FRYL: variants seen among roughly 807,000 people sequenced by gnomAD.
The protein encoded by FRYL is protein furry homolog-like.
Under a neutral mutation model 351.2 loss-of-function variants are expected in FRYL, and 150 were observed. The observed-to-expected ratio is 0.43, with a 90% CI of 0.37 to 0.49. FRYL has a LOEUF of 0.49. Among genes scored for constraint, FRYL ranks in the 20% least tolerant of loss-of-function variants. The pLI is 0.00. For missense variants in FRYL, 3,036 were observed against 3,619.3 expected (o/e 0.84, Z 4.13); for synonymous variants, 1,153 against 1,257.1 (o/e 0.92, Z 1.75).
At chr4:48,690,563 A>C (rs1765591876) in intron 2 of FRYL, among the ~76,000 whole-genome samples, 1 of 152,208 alleles carries the variant, frequency 6.6e-6, no homozygotes, top group South Asian at 2.1e-4. Flanking sequence ...ACACACAATA[A>C]ATCTTTAACT....
Position 48,605,821 on chromosome 4 carries a change from A to G in FRYL, c.754T>C (p.Tyr252His). The change falls in exon 11 of 64, where the codon TAT becomes CAT. Residue 252 changes from tyrosine (Y) to histidine (H), a missense_variant. Tyr to His is a moderately conservative substitution (Grantham distance 83). Around this residue, in one of 7 missense-constraint regions of FRYL, gnomAD observed 457 missense variants for 566.6 expected, o/e 0.81. Transcript: ENST00000358350. ...SFQFMQECAQYFLEVKDKDIK... is the reference protein window; with the variant it reads ...SFQFMQECAQHFLEVKDKDIK... ...TCTTTATCTTTCACTTCTAAGAAAT[A>G]CTGAGCACATTCCTTAAAGGGAAAG... 1.9e-6 allele frequency: 3 copies of G among 1,589,788 alleles called. No individual in the cohort carries two copies. Among genetic ancestry groups the G allele is most frequent in the Non-Finnish European group, 2.6e-6 (3 of 1,159,668 alleles).
chr4:48,633,022 G>A (rs1479512883), intron 4 of FRYL, among the ~76,000 whole-genome samples: 2 of 152,098 alleles, frequency 1.3e-5, no homozygotes, highest in Admixed American at 1.3e-4. Context: ...AATTGGTGGT[G>A]AATAGCTATC....
At chr4:48,650,997 T>C (rs978209199) in intron 3 of FRYL, among the ~76,000 whole-genome samples, 1 of 152,146 alleles carries the variant, frequency 6.6e-6, no homozygotes, top group African/African-American at 2.4e-5. Context: ...CAGTACTACC[T>C]ACCATCATGG....
chr4:48,547,530 T>A, intron 41 of FRYL, 54 bp downstream of exon 41: 1 of 1,043,708 alleles, frequency 9.6e-7, no homozygotes. Context: ...AATGCAGGAT[T>A]CCAAATTAAT....
chr4:48,527,577 T>C lies in FRYL; in HGVS notation c.7217A>G (p.Asn2406Ser), dbSNP rs763686754. Residue 2406 changes from asparagine to serine, a missense_variant, in exon 53 of 64, where the codon AAT (asparagine) becomes AGT (serine). By Grantham distance (46) the Asn-to-Ser change is conservative. This residue lies in a region of FRYL where 1,987 missense variants were observed against 2,311.7 expected (regional missense o/e 0.86). Coordinates refer to ENST00000358350, the MANE Select transcript of FRYL (RefSeq NM_015030.2). ...TTCCACAGCTACTTCTTCCTCTTGA[T>C]TTATGTCTTCTGTTGTAGAAATTAG... is the stretch of plus-strand genomic sequence containing the variant. The part of the protein sequence containing the change: ...TSLISTTEDI[N>S]QEEEVAVEDN... 6.2e-7 allele frequency: 1 copy of C among 1,613,320 alleles called. No individual in the cohort carries two copies. The highest frequency in any genetic ancestry group is 2.2e-5 in the East Asian group (1 of 44,852).
chr4:48,762,379 A>C (rs1188363251), intron 1 of FRYL, among the ~76,000 whole-genome samples: 1 of 152,202 alleles, frequency 6.6e-6, no homozygotes, highest in African/African-American at 2.4e-5. Flanking sequence ...TGCTGGGGTA[A>C]TATAACTGAC....
intron 62 of FRYL, 26 bp downstream of exon 62, chr4:48,501,597 G>T: frequency 8.1e-7 from 1 of 1,237,072 alleles, no homozygotes; most frequent in South Asian, 1.3e-5. Flanking sequence ...ATCAGTTACT[G>T]ATGCCTAATA....
intron 4 of FRYL, among the ~76,000 whole-genome samples, chr4:48,631,624 C>T (rs1056352170): frequency 1.1e-4 from 16 of 151,894 alleles, no homozygotes; most frequent in African/African-American, 3.6e-4. Flanking sequence ...TAACTCACAT[C>T]GGAGAAGATA....
chr4:48,768,485 G>T (rs1281939391), intron 1 of FRYL, among the ~76,000 whole-genome samples: 2 of 152,142 alleles, frequency 1.3e-5, no homozygotes, highest in African/African-American at 4.8e-5. Flanking sequence ...CTAGGACTTG[G>T]TGAAGAGTCC....
intron 24 of FRYL, among the ~76,000 whole-genome samples, 160 bp from the exon 25 acceptor site, chr4:48,575,401 G>A (rs1739390420): frequency 1.3e-5 from 2 of 152,126 alleles, no homozygotes; most frequent in Non-Finnish European, 1.5e-5. Flanking sequence ...AACTTAAAAG[G>A]TTAAATAGCT....
chr4:48,590,529 A>AT, intron 17 of FRYL, 130 bp downstream of exon 17: 1 of 587,452 alleles, frequency 1.7e-6, no homozygotes, highest in Non-Finnish European at 2.8e-6. Context: ...AGAAGTATTC[A>AT]TTTTGTATGG....
Position 48,733,104 on chromosome 4 carries a change from G to A in FRYL, c.-383-22406C>T, listed in dbSNP as rs140723967. 9.7e-3 allele frequency among the ~76,000 whole-genome samples: 1,465 copies of A among 151,632 alleles called. 12 individuals are homozygous for A. Among genetic ancestry groups the A allele is most frequent in the Non-Finnish European group, 0.013 (855 of 67,876 alleles). On this transcript the variant is annotated intron_variant, in intron 1 of 63. Transcript: ENST00000358350. ...CACCTGGCCAACATGGTGAAACCCC[G>A]TCTCTACTAAAAATACAAAAATTAG...
intron 1 of FRYL, among the ~76,000 whole-genome samples, chr4:48,761,007 CTGTG>C (rs57872533): frequency 0.26 from 34,406 of 134,336 alleles, 4,432 homozygotes; most frequent in Non-Finnish European, 0.31. Context: ...ATTACTCTGT[CTGTG>C]TGTGTGTGTG....
rs568062652 is a variant in FRYL, at chr4:48,640,166, A to G, written c.-80-5676T>C. Among the ~76,000 whole-genome samples the G allele has an allele frequency of 3.9e-5, 6 of 152,284 alleles. No individual in the cohort carries two copies. The East Asian group carries it at 1.2e-3, about 29-fold the overall frequency. On this transcript the variant is annotated intron_variant, in intron 3 of 63. Coordinates refer to ENST00000358350, the MANE Select transcript of FRYL (RefSeq NM_015030.2). ...GAAACATGCTCCCTGGTATTTACCC[A>G]CAGGAGCTGAAGACGTATGTCCACA...
chr4:48,506,536 G>C (rs1720962886), intron 59 of FRYL: 1 of 147,410 alleles, frequency 6.8e-6, no homozygotes, highest in African/African-American at 2.5e-5. Context: ...TAAGCTCCTA[G>C]CTTTGGACAG....
Position 48,528,179 on chromosome 4 carries a change from G to A in FRYL, c.7061C>T (p.Ser2354Leu). 7 of 1,612,352 alleles carry A rather than the reference G, an allele frequency of 4.3e-6. No homozygotes were observed. The highest frequency in any genetic ancestry group is 5.9e-6 in the Non-Finnish European group (7 of 1,178,870). Reference protein sequence around the residue: ...VPVSWKRPQLSQRRTREKLMN... With the variant: ...VPVSWKRPQLLQRRTREKLMN... ...ATTTTGATATTCTTTATGTACCTGT[G>A]ATAACTGTGGCCTTTTCCAACTAAC... The change falls in exon 51 of 64, where the codon TCA becomes TTA. Residue 2354 changes from serine (S) to leucine (L), a missense_variant. This residue lies in a region of FRYL where 1,987 missense variants were observed against 2,311.7 expected (regional missense o/e 0.86). Coordinates refer to ENST00000358350, the MANE Select transcript of FRYL (RefSeq NM_015030.2).
intron 1 of FRYL, among the ~76,000 whole-genome samples, chr4:48,746,553 AAAAAAG>A (rs1272651597): frequency 6.6e-6 from 1 of 151,950 alleles, no homozygotes; most frequent in Non-Finnish European, 1.5e-5. Context: ...TTAAAAAAAA[AAAAAAG>A]AAAAAGAAAA....
chr4:48,589,034 G>A (rs1742708812), intron 18 of FRYL, among the ~76,000 whole-genome samples: 1 of 152,114 alleles, frequency 6.6e-6, no homozygotes, highest in Admixed American at 6.5e-5. Flanking sequence ...TTAGCATATA[G>A]TAGTACATAA....
At chr4:48,672,842 G>C (rs1470736625) in intron 3 of FRYL, among the ~76,000 whole-genome samples, 8 of 152,230 alleles carry the variant, frequency 5.3e-5, no homozygotes, top group South Asian at 2.1e-4. Context: ...TATCCACTTT[G>C]TTCCCTTCTA....
Sources: allele counts gnomAD v4.1 joint callset (sites outside exome capture counted in the v4.1 genomes callset), GRCh38; gene constraint gnomAD v4.1.1; regional missense constraint gnomAD v4.1.1; transcripts MANE v1.5; gene names NCBI Gene and HGNC (gene_info 2026-07-23, HGNC 2026-07-21).